Variants in BNC2 observed in about 807,000 individuals in gnomAD.
The protein encoded by BNC2 is zinc finger protein basonuclin-2.
Under a neutral mutation model 76.3 loss-of-function variants are expected in BNC2, and 20 were observed. The observed-to-expected ratio is 0.26, with a 90% CI of 0.18 to 0.38. The LOEUF (loss-of-function observed/expected upper bound fraction) is 0.38, where lower values mean the gene tolerates loss of function less well. Among genes scored for constraint, BNC2 ranks in the 10% least tolerant of loss-of-function variants. BNC2 has a pLI of 1.00. For missense variants in BNC2, 1,382 were observed against 1,399.8 expected (o/e 0.99, Z 0.20); for synonymous variants, 582 against 514.8 (o/e 1.13, Z -1.77).
Position 16,831,650 on chromosome 9 carries a change from T to C in BNC2, c.3+38996A>G, listed in dbSNP as rs78941892. On this transcript the variant is annotated intron_variant, in intron 1 of 6. Coordinates refer to ENST00000380672, the MANE Select transcript of BNC2 (RefSeq NM_017637.6). ...TTAAACCTGGAGTCAGCATAGGAAG[T>C]ATTCAAGTTCCAAGAGTTATAAGAT... Among the ~76,000 whole-genome samples the C allele has an allele frequency of 5.2e-3, 786 of 152,280 alleles. 5 individuals carry two copies. The highest frequency in any genetic ancestry group is 0.017 in the African/African-American group (707 of 41,556).
chr9:16,785,462 T>C (rs1189169781), intron 1 of BNC2, among the ~76,000 whole-genome samples: 2 of 152,074 alleles, frequency 1.3e-5, no homozygotes, highest in Non-Finnish European at 2.9e-5. Context: ...TGGCTCGTTA[T>C]TGCCTAACTG....
intron 5 of BNC2, among the ~76,000 whole-genome samples, chr9:16,518,565 C>CAT (rs558357472): frequency 5.0e-5 from 7 of 138,834 alleles, no homozygotes; most frequent in East Asian, 4.5e-4. Flanking sequence ...GTGCAAAAGT[C>CAT]ATATATATAT....
chr9:16,560,846 G>T (rs1033960666), intron 4 of BNC2, among the ~76,000 whole-genome samples: 1 of 152,218 alleles, frequency 6.6e-6, no homozygotes, highest in African/African-American at 2.4e-5. Context: ...CACCTATCCA[G>T]CAGGAACAAA....
chr9:16,860,357 A>C (rs1326037765), intron 1 of BNC2, among the ~76,000 whole-genome samples: 1 of 152,174 alleles, frequency 6.6e-6, no homozygotes, highest in East Asian at 1.9e-4. Context: ...AATGGAATAG[A>C]ACAGAAATTC....
At chr9:16,548,909 C>T (rs1262016206) in intron 5 of BNC2, among the ~76,000 whole-genome samples, 2 of 152,026 alleles carry the variant, frequency 1.3e-5, no homozygotes, top group Non-Finnish European at 2.9e-5. Flanking sequence ...AGTTGTAGTC[C>T]AAGTTATGTT....
intron 1 of BNC2, among the ~76,000 whole-genome samples, chr9:16,845,629 G>T (rs938175276): frequency 1.3e-5 from 2 of 152,162 alleles, no homozygotes; most frequent in Non-Finnish European, 2.9e-5. Context: ...GCCGAGGCAG[G>T]AGAATGGCGT....
chr9:16,779,301 C>T (rs1414590778), intron 1 of BNC2, among the ~76,000 whole-genome samples: 1 of 105,254 alleles, frequency 9.5e-6, no homozygotes, highest in Non-Finnish European at 2.0e-5. Flanking sequence ...GACCCTCTCT[C>T]AAAAAAAAAA....
intron 1 of BNC2, 95 bp downstream of exon 1, chr9:16,870,551 A>G: frequency 6.9e-7 from 1 of 1,444,634 alleles, no homozygotes; most frequent in South Asian, 1.2e-5. Flanking sequence ...CGGAGGGCGG[A>G]CACGGCCCCC....
In BNC2 at chr9:16,585,776, G is replaced by C. The variant is rs146462223; in HGVS notation, c.331-2691C>G. Among the ~76,000 whole-genome samples, 46 of 152,232 alleles carry C rather than the reference G, an allele frequency of 3.0e-4. 1 individual carries two copies. The East Asian group carries it at 6.4e-3, about 21-fold the overall frequency. The stretch of plus-strand genomic sequence containing the variant: ...AATGTACATGCATTACAAGGAGACA[G>C]TTGGGAAGAGTCGAAATGAATATGC... On this transcript the variant is annotated intron_variant, in intron 3 of 6. Transcript: ENST00000380672.
At chr9:16,604,776 C>T (rs1820335488) in intron 3 of BNC2, among the ~76,000 whole-genome samples, 1 of 152,166 alleles carries the variant, frequency 6.6e-6, no homozygotes, top group African/African-American at 2.4e-5. Flanking sequence ...ACACTCCAGC[C>T]TGGGCAACAG....
intron 3 of BNC2, among the ~76,000 whole-genome samples, chr9:16,664,248 T>A (rs775811495): frequency 1.3e-5 from 2 of 152,162 alleles, no homozygotes; most frequent in Non-Finnish European, 2.9e-5. Context: ...AGTCCCAAGG[T>A]TGTCCCTCCT....
chr9:16,715,489 C>A (rs1823973252), intron 3 of BNC2, among the ~76,000 whole-genome samples: 1 of 152,228 alleles, frequency 6.6e-6, no homozygotes, highest in Non-Finnish European at 1.5e-5. Context: ...AGGTTTCTAT[C>A]TGGCAGCCAG....
chr9:16,617,173 C>G (rs909903466), intron 3 of BNC2, among the ~76,000 whole-genome samples: 1 of 152,138 alleles, frequency 6.6e-6, no homozygotes, highest in African/African-American at 2.4e-5. Flanking sequence ...GTCAAGTCCA[C>G]TTTAACCGTG....
chr9:16,703,222 A>G (rs1274230905), intron 3 of BNC2, among the ~76,000 whole-genome samples: 1 of 152,202 alleles, frequency 6.6e-6, no homozygotes, highest in Non-Finnish European at 1.5e-5. Flanking sequence ...GAAAAGAAAT[A>G]TAACTTCAGA....
At chr9:16,845,373 T>C (rs1211266740) in intron 1 of BNC2, among the ~76,000 whole-genome samples, 4 of 152,210 alleles carry the variant, frequency 2.6e-5, no homozygotes. Flanking sequence ...GCTTTTCAAA[T>C]GCTACAAGTC....
At chr9:16,666,337 C>T (rs1018195937) in intron 3 of BNC2, among the ~76,000 whole-genome samples, 12 of 152,070 alleles carry the variant, frequency 7.9e-5, no homozygotes, top group African/African-American at 2.2e-4. Context: ...CTGCTATGTC[C>T]GCTGCAAATG....
chr9:16,645,028 T>A (rs931214325), intron 3 of BNC2, among the ~76,000 whole-genome samples: 2 of 152,242 alleles, frequency 1.3e-5, no homozygotes, highest in Admixed American at 1.3e-4. Flanking sequence ...TACATTTACA[T>A]ACTTTAAAGA....
At chr9:16,514,454 G>A (rs1822831862) in intron 5 of BNC2, among the ~76,000 whole-genome samples, 1 of 152,090 alleles carries the variant, frequency 6.6e-6, no homozygotes, top group Non-Finnish European at 1.5e-5. Flanking sequence ...CTTTTGTTAT[G>A]TGTTTTTCAC....
At chr9:16,741,915 G>A (rs908899274) in intron 1 of BNC2, among the ~76,000 whole-genome samples, 1 of 121,042 alleles carries the variant, frequency 8.3e-6, no homozygotes, top group Non-Finnish European at 1.6e-5. Context: ...CTGAGATCAC[G>A]CCACTGCACT....
Sources: allele counts gnomAD v4.1 joint callset (sites outside exome capture counted in the v4.1 genomes callset), GRCh38; gene constraint gnomAD v4.1.1; transcripts MANE v1.5; gene names NCBI Gene and HGNC (gene_info 2026-07-23, HGNC 2026-07-21).